The following MAGI2 variants were observed in gnomAD, a reference collection of about 807,000 sequenced individuals.
MAGI2 encodes membrane-associated guanylate kinase, WW and PDZ domain-containing protein 2.
A neutral mutation model predicts 133.3 loss-of-function variants in MAGI2; 35 were observed. The observed-to-expected ratio is 0.26, with a 90% CI of 0.20 to 0.35. MAGI2 has a LOEUF of 0.35. MAGI2 is among the 10% of genes least tolerant of loss of function. The pLI is 1.00. For missense variants in MAGI2, 1,636 were observed against 1,863.4 expected (o/e 0.88, Z 2.25); for synonymous variants, 729 against 710.6 (o/e 1.03, Z -0.41).
intron 9 of MAGI2, among the ~76,000 whole-genome samples, chr7:78,313,608 A>G (rs888265771): frequency 6.6e-6 from 1 of 150,482 alleles, no homozygotes; most frequent in African/African-American, 2.4e-5. Context: ...ATATATAGAA[A>G]TAGGTACTTT....
intron 3 of MAGI2, among the ~76,000 whole-genome samples, chr7:78,604,307 T>C (rs923790950): frequency 2.0e-5 from 3 of 152,062 alleles, no homozygotes; most frequent in Non-Finnish European, 4.4e-5. Flanking sequence ...GGCTGAAGTA[T>C]GTTGATGGGC....
chr7:78,772,858 T>C (rs1170006891), intron 2 of MAGI2, among the ~76,000 whole-genome samples: 2 of 152,234 alleles, frequency 1.3e-5, no homozygotes, highest in Admixed American at 1.3e-4. Flanking sequence ...TAAAATGTTA[T>C]AGGAAAAAAA....
At chr7:78,108,718 ATG>A (rs66797682) in intron 20 of MAGI2, among the ~76,000 whole-genome samples, 25,117 of 128,218 alleles carry the variant, frequency 0.2, 2,592 homozygotes, top group East Asian at 0.54. Context: ...GAGTGTATAT[ATG>A]TGTGTGTATA....
chr7:78,787,050 C>T (rs548036807), intron 2 of MAGI2, among the ~76,000 whole-genome samples: 12 of 151,884 alleles, frequency 7.9e-5, no homozygotes, highest in Admixed American at 2.6e-4. Flanking sequence ...CTGGTTTAAG[C>T]GATTTTCCTG....
In MAGI2 at chr7:79,028,293, G is replaced by A. The variant is rs866270813; in HGVS notation, c.302-21087C>T. On this transcript the variant is annotated intron_variant, in intron 1 of 21. Transcript: ENST00000354212. ...TGTATGTATGTATATATATATATAT[G>A]TGTGTATATATATATATATACACAC... 3.7e-3 allele frequency among the ~76,000 whole-genome samples: 58 copies of A among 15,702 alleles called. 2 individuals carry two copies. Among genetic ancestry groups the A allele is most frequent in the African/African-American group, 4.3e-3 (22 of 5,084 alleles). 10.3% of individuals were successfully genotyped at this position (15,702 alleles called of 152,430 possible). A position where few individuals can be genotyped will look rare whatever the true frequency, so the allele number is the denominator to read the frequency against.
At chr7:78,457,430 AC>A (rs1789437201) in intron 6 of MAGI2, among the ~76,000 whole-genome samples, 1 of 152,146 alleles carries the variant, frequency 6.6e-6, no homozygotes, top group African/African-American at 2.4e-5. Flanking sequence ...TGGCTGATGG[AC>A]CTTTGAACAA....
At chr7:79,102,690 G>A (rs960624802) in intron 1 of MAGI2, among the ~76,000 whole-genome samples, 3 of 152,126 alleles carry the variant, frequency 2.0e-5, no homozygotes, top group African/African-American at 7.2e-5. Flanking sequence ...TGTAAGTAGG[G>A]TGGAACATGA....
At chr7:79,191,402 C>CTTT (rs71095386) in intron 1 of MAGI2, among the ~76,000 whole-genome samples, 450 of 22,290 alleles carry the variant, frequency 0.02, 32 homozygotes, top group Non-Finnish European at 0.024. Flanking sequence ...CTTTTTCTTT[C>CTTT]TTTTTTTTTT....
At chr7:79,092,804 C>A (rs569297672) in intron 1 of MAGI2, among the ~76,000 whole-genome samples, 1 of 152,208 alleles carries the variant, frequency 6.6e-6, no homozygotes, top group East Asian at 1.9e-4. Context: ...ATTTTTATCT[C>A]TTTTCAGGCT....
intron 6 of MAGI2, among the ~76,000 whole-genome samples, chr7:78,479,477 T>C (rs1037699505): frequency 1.7e-4 from 26 of 151,898 alleles, no homozygotes; most frequent in African/African-American, 6.3e-4. Flanking sequence ...GGAAGTGCTT[T>C]CTGTAACTTG....
intron 2 of MAGI2, among the ~76,000 whole-genome samples, chr7:78,885,323 T>A (rs375197353): frequency 6.6e-6 from 1 of 152,148 alleles, no homozygotes; most frequent in Admixed American, 6.6e-5. Flanking sequence ...TTGAAATTAC[T>A]AATAAAAAAT....
At chr7:78,826,321 T>A (rs1563550704) in intron 2 of MAGI2, among the ~76,000 whole-genome samples, 1 of 132,658 alleles carries the variant, frequency 7.5e-6, no homozygotes, top group African/African-American at 2.9e-5. Flanking sequence ...GCCACTGCAC[T>A]CAGCCTAGGC....
intron 6 of MAGI2, among the ~76,000 whole-genome samples, chr7:78,471,239 T>G (rs1301636418): frequency 6.6e-6 from 1 of 152,100 alleles, no homozygotes; most frequent in Non-Finnish European, 1.5e-5. Context: ...TCAAAGACAA[T>G]TAAAGTGGAG....
intron 3 of MAGI2, among the ~76,000 whole-genome samples, chr7:78,607,194 G>A (rs941781683): frequency 2.8e-4 from 43 of 152,066 alleles, no homozygotes; most frequent in African/African-American, 1.0e-3. Flanking sequence ...TGTGAGAGGG[G>A]GCATCTTCTG....
intron 1 of MAGI2, among the ~76,000 whole-genome samples, chr7:79,345,460 C>G (rs888187326): frequency 6.6e-6 from 1 of 152,022 alleles, no homozygotes; most frequent in Non-Finnish European, 1.5e-5. Context: ...GTTTAAGCCA[C>G]TCAATTGTGG....
intron 1 of MAGI2, among the ~76,000 whole-genome samples, chr7:79,327,368 G>C (rs1839772660): frequency 6.6e-6 from 1 of 152,130 alleles, no homozygotes; most frequent in Non-Finnish European, 1.5e-5. Flanking sequence ...AATGCTTATA[G>C]ACAGAGTAGA....
At chr7:79,443,832 T>C (rs1848657118) in intron 1 of MAGI2, among the ~76,000 whole-genome samples, 1 of 152,168 alleles carries the variant, frequency 6.6e-6, no homozygotes, top group Non-Finnish European at 1.5e-5. Context: ...AATAGATTTT[T>C]AAATATACAT....
chr7:78,622,352 A>C (rs1807837480), intron 3 of MAGI2, among the ~76,000 whole-genome samples: 1 of 152,050 alleles, frequency 6.6e-6, no homozygotes, highest in Non-Finnish European at 1.5e-5. Context: ...CTAGAACTCT[A>C]AACAATACTG....
intron 1 of MAGI2, among the ~76,000 whole-genome samples, chr7:79,183,627 ATTT>A (rs1302124619): frequency 6.6e-6 from 1 of 151,790 alleles, no homozygotes; most frequent in African/African-American, 2.4e-5. Context: ...GCCCATTATT[ATTT>A]TTTAATTATG....
Sources: gnomAD v4.1 joint callset for allele counts (sites outside exome capture counted in the v4.1 genomes callset) on GRCh38, gnomAD v4.1.1 for gene constraint, MANE v1.5 for transcripts, NCBI Gene and HGNC (gene_info 2026-07-23, HGNC 2026-07-21) for gene names.